Variants in COL22A1 observed in about 807,000 individuals in gnomAD.
The protein encoded by COL22A1 is collagen type XXII alpha 1 chain.
Under a neutral mutation model 248.9 loss-of-function variants are expected in COL22A1, and 221 were observed. The ratio of observed to expected loss-of-function variants is 0.89; its 90% confidence interval spans 0.80 to 0.99. The LOEUF is 0.99. Among genes scored for constraint, COL22A1 ranks in the 50% least tolerant of loss-of-function variants. COL22A1 has a pLI of 0.00. For missense variants in COL22A1, 2,240 were observed against 2,179.0 expected (o/e 1.03, Z -0.56); for synonymous variants, 891 against 793.4 (o/e 1.12, Z -2.07).
At chr8:138,822,512 G>A (rs1285350418) in intron 6 of COL22A1, among the ~76,000 whole-genome samples, 1 of 152,188 alleles carries the variant, frequency 6.6e-6, no homozygotes, top group East Asian at 1.9e-4. Context: ...CAGAATAGAA[G>A]GCACAGAACA....
intron 2 of COL22A1, among the ~76,000 whole-genome samples, chr8:138,879,690 C>CAAAAAAAAAAAAAAAAAA (rs372214665): frequency 1.0e-5 from 1 of 99,044 alleles, no homozygotes; most frequent in Non-Finnish European, 1.8e-5. Context: ...GACACTCTCT[C>CAAAAAAAAAAAAAAAAAA]AAAAAAAAAA....
chr8:138,690,785 G>A (rs751327729), intron 36 of COL22A1, 36 bp downstream of exon 36: 4 of 1,564,214 alleles, frequency 2.6e-6, no homozygotes, highest in Non-Finnish European at 3.5e-6. Context: ...TAGCTTGGTG[G>A]CTGGGCCGTG....
At chr8:138,612,273 G>C (rs192669329) in intron 56 of COL22A1, among the ~76,000 whole-genome samples, 1 of 152,122 alleles carries the variant, frequency 6.6e-6, no homozygotes, top group Non-Finnish European at 1.5e-5. Context: ...AGATATCAAA[G>C]CTGCCTTTCT....
At chr8:138,702,951 G>A (rs1355639249) in intron 31 of COL22A1, among the ~76,000 whole-genome samples, 1 of 152,070 alleles carries the variant, frequency 6.6e-6, no homozygotes, top group East Asian at 1.9e-4. Context: ...ACGTATAGAG[G>A]GCCAATGAAT....
At chr8:138,866,674 G>A (rs1210857014) in intron 3 of COL22A1, among the ~76,000 whole-genome samples, 9 of 152,232 alleles carry the variant, frequency 5.9e-5, no homozygotes, top group African/African-American at 1.9e-4. Context: ...AGAGTGATGT[G>A]GCTGGTACAA....
At chr8:138,830,381 A>G (rs927839919) in intron 5 of COL22A1, among the ~76,000 whole-genome samples, 34 of 152,242 alleles carry the variant, frequency 2.2e-4, no homozygotes, top group African/African-American at 8.2e-4. Context: ...AAAAGTGACA[A>G]CTTTTCTTTA....
chr8:138,903,647 T>C (rs911044115), intron 1 of COL22A1, among the ~76,000 whole-genome samples: 2 of 152,112 alleles, frequency 1.3e-5, no homozygotes, highest in Non-Finnish European at 2.9e-5. Flanking sequence ...CTTCCAAGCC[T>C]CCCTCCTTCA....
chr8:138,792,645 T>C (rs755944205), intron 12 of COL22A1, among the ~76,000 whole-genome samples: 1 of 152,254 alleles, frequency 6.6e-6, no homozygotes, highest in Non-Finnish European at 1.5e-5. Context: ...GACTCAGACC[T>C]GATTCTTGCT....
chr8:138,704,941 C>T (rs1222218533), intron 30 of COL22A1, among the ~76,000 whole-genome samples: 1 of 152,142 alleles, frequency 6.6e-6, no homozygotes, highest in Non-Finnish European at 1.5e-5. Context: ...CTTAAATAAC[C>T]TGATGGAGCT....
intron 1 of COL22A1, among the ~76,000 whole-genome samples, chr8:138,899,712 C>A (rs185685559): frequency 1.3e-5 from 2 of 151,910 alleles, no homozygotes; most frequent in Non-Finnish European, 2.9e-5. Context: ...TTAGTAGAGA[C>A]GGGGTTTCAC....
intron 11 of COL22A1, among the ~76,000 whole-genome samples, chr8:138,799,355 G>A (rs2131615756): frequency 6.6e-6 from 1 of 152,060 alleles, no homozygotes; most frequent in South Asian, 2.1e-4. Context: ...GCCTTTTTCG[G>A]TTTATGTCAC....
intron 47 of COL22A1, among the ~76,000 whole-genome samples, chr8:138,639,864 T>C (rs568323968): frequency 2.4e-4 from 37 of 152,328 alleles, no homozygotes; most frequent in African/African-American, 8.4e-4. Context: ...GGCTCCAAGT[T>C]GCAAATCTAT....
At chr8:138,660,851 CATACACAG>C (rs1823790743) in intron 43 of COL22A1, among the ~76,000 whole-genome samples, 1 of 134,788 alleles carries the variant, frequency 7.4e-6, no homozygotes, top group Admixed American at 7.2e-5. Flanking sequence ...CACACACACA[CATACACAG>C]ACACACAAAC....
At chr8:138,712,480 T>C (rs1183028464) in intron 30 of COL22A1, among the ~76,000 whole-genome samples, 2 of 152,198 alleles carry the variant, frequency 1.3e-5, no homozygotes, top group East Asian at 3.9e-4. Context: ...TAGAGGGTAA[T>C]GGTTCTATCA....
chr8:138,704,149 A>G (rs1828207353), intron 30 of COL22A1, among the ~76,000 whole-genome samples: 1 of 152,186 alleles, frequency 6.6e-6, no homozygotes, highest in African/African-American at 2.4e-5. Flanking sequence ...GGTGGAGCCA[A>G]CCACAGCTTA....
At chr8:138,661,983 G>T (rs747775265) in intron 43 of COL22A1, 47 bp downstream of exon 43, 4 of 1,485,878 alleles carry the variant, frequency 2.7e-6, no homozygotes, top group Admixed American at 2.0e-5. Flanking sequence ...GCTTTCAGGG[G>T]TCATGTAAGG....
chr8:138,643,692 T>A (rs1228684403), intron 47 of COL22A1, among the ~76,000 whole-genome samples: 4 of 135,800 alleles, frequency 2.9e-5, no homozygotes, highest in Admixed American at 2.9e-4. Context: ...GGGATATTAT[T>A]TTATATATAT....
At chr8:138,806,143 TGTGTGTG>T (rs1817686736) in intron 10 of COL22A1, among the ~76,000 whole-genome samples, 1 of 15,388 alleles carries the variant, frequency 6.5e-5, no homozygotes, top group African/African-American at 2.6e-4. Context: ...TGTGGTGGTG[TGTGTGTG>T]ATGGTGTGTG....
intron 56 of COL22A1, among the ~76,000 whole-genome samples, chr8:138,613,336 G>T (rs1308411384): frequency 6.6e-6 from 1 of 152,152 alleles, no homozygotes; most frequent in African/African-American, 2.4e-5. Context: ...AAAGGCCAGG[G>T]TGGTGCCCCA....
Sources: gnomAD v4.1 joint callset for allele counts (sites outside exome capture counted in the v4.1 genomes callset) on GRCh38, gnomAD v4.1.1 for gene constraint, MANE v1.5 for transcripts, NCBI Gene and HGNC (gene_info 2026-07-23, HGNC 2026-07-21) for gene names.